The following FBXO9 variants were observed in gnomAD, a reference collection of about 807,000 sequenced individuals.
FBXO9 encodes F-box only protein 9.
Under a neutral mutation model 63.7 loss-of-function variants are expected in FBXO9, and 43 were observed. The ratio of observed to expected loss-of-function variants is 0.67; its 90% CI spans 0.53 to 0.87. FBXO9 has a LOEUF of 0.87. Among genes scored for constraint, FBXO9 ranks in the 40% least tolerant of loss-of-function variants. The probability of loss-of-function intolerance (pLI) is 0.00; values close to 1 mark genes in which losing one functional copy is unlikely to be tolerated. For missense variants in FBXO9, 442 were observed against 533.2 expected, an observed-to-expected ratio of 0.83 and a Z score of 1.68; for synonymous variants, 156 against 171.7, an observed-to-expected ratio of 0.91 and a Z score of 0.72.
intron 2 of FBXO9, among the ~76,000 whole-genome samples, chr6:53,071,676 T>A (rs1272262260): frequency 7.2e-5 from 11 of 152,334 alleles, no homozygotes; most frequent in Non-Finnish European, 4.4e-5. Flanking sequence ...GTGAATAATG[T>A]GCATCGCTGT....
At chr6:53,070,850 G>A in intron 1 of FBXO9, 1 of 698,070 alleles carries the variant, frequency 1.4e-6, no homozygotes, top group Non-Finnish European at 2.3e-6. Flanking sequence ...GTGGGTTGGA[G>A]TAGAGAATAT....
rs1251670573 is a variant in FBXO9 at position 53,098,194 on chromosome 6, T to C, written c.*364T>C. Reference sequence around the variant, plus strand: ...GCAGATTTCTGTCACATAAGTCGTCTTCTGCTTGAGTATCCTAATATTTCA... The same window carrying C: ...GCAGATTTCTGTCACATAAGTCGTCCTCTGCTTGAGTATCCTAATATTTCA... On this transcript the variant is annotated 3_prime_UTR_variant, in exon 13 of 13. Coordinates refer to ENST00000323557, the MANE Select transcript of FBXO9 (RefSeq NM_033480.3). 2.7e-6 allele frequency: 1 copy of C among 374,734 alleles called. No individual in the cohort carries two copies. Among genetic ancestry groups the C allele is most frequent in the East Asian group, 8.6e-5 (1 of 11,580 alleles). The allele number at this position is 374,734 out of a possible 1,614,324, so 23.2% of individuals were successfully genotyped here. A position where few individuals can be genotyped will look rare whatever the true frequency, so the allele number is the denominator to read the frequency against.
chr6:53,080,817 A>C (rs964474960), intron 5 of FBXO9, 151 bp from the exon 6 acceptor site: 1 of 756,328 alleles, frequency 1.3e-6, no homozygotes, highest in Non-Finnish European at 2.1e-6. Flanking sequence ...GCAAGACAGG[A>C]TAAATTCATC....
intron 4 of FBXO9, among the ~76,000 whole-genome samples, chr6:53,078,496 G>A (rs1176571910): frequency 6.6e-6 from 1 of 152,098 alleles, no homozygotes; most frequent in African/African-American, 2.4e-5. Context: ...TATAGCAATT[G>A]CATCTTCAGA....
Position 53,066,109 on chromosome 6 carries a change from C to T in FBXO9, c.3+317C>T, listed in dbSNP as rs990851911. The T allele has an allele frequency of 6.8e-6, 8 of 1,168,522 alleles. No homozygotes were observed. The African/African-American group carries it at 1.1e-4, about 16-fold the overall frequency. 72.4% of individuals were successfully genotyped at this position (1,168,522 alleles called of 1,614,324 possible). On this transcript the variant is annotated intron_variant, in intron 1 of 12. Transcript: ENST00000323557. ...CTGAGTATATTGAACCAGTCTCGGTCCTCTCAAGGGATTTTATCAGAAGCA... is the reference window on the plus strand; with the variant it reads ...CTGAGTATATTGAACCAGTCTCGGTTCTCTCAAGGGATTTTATCAGAAGCA...
intron 3 of FBXO9, among the ~76,000 whole-genome samples, chr6:53,073,947 T>A (rs1252385342): frequency 6.6e-6 from 1 of 152,166 alleles, no homozygotes; most frequent in Non-Finnish European, 1.5e-5. Flanking sequence ...GTCTCTGAAT[T>A]TATTAACAGA....
At chr6:53,093,672 C>A in intron 10 of FBXO9, 111 bp downstream of exon 10, 1 of 928,248 alleles carries the variant, frequency 1.1e-6, no homozygotes, top group Non-Finnish European at 1.6e-6. Context: ...ATTTTAAAAG[C>A]AATCATTCAG....
intron 11 of FBXO9, among the ~76,000 whole-genome samples, chr6:53,094,364 G>A (rs1763144395): frequency 6.6e-6 from 1 of 151,984 alleles, no homozygotes; most frequent in Middle Eastern, 3.2e-3. Flanking sequence ...TAGAACTTCA[G>A]TTTCTACTGG....
chr6:53,089,224 G>A (rs1477862424), intron 7 of FBXO9, among the ~76,000 whole-genome samples: 2 of 152,016 alleles, frequency 1.3e-5, no homozygotes, highest in South Asian at 2.1e-4. Flanking sequence ...ACAGGCGCCC[G>A]CCACCAGGCC....
chr6:53,073,734 T>G, intron 3 of FBXO9, 95 bp downstream of exon 3: 1 of 1,044,308 alleles, frequency 9.6e-7, no homozygotes, highest in South Asian at 1.7e-5. Flanking sequence ...TAACCAGACT[T>G]TCGGGACATA....
chr6:53,082,068 C>T (rs912675980), intron 6 of FBXO9, among the ~76,000 whole-genome samples: 14 of 144,250 alleles, frequency 9.7e-5, no homozygotes, highest in African/African-American at 3.3e-4. Flanking sequence ...GAACCTGTCA[C>T]AAAAAAAAAA....
At position 53,065,596 on chromosome 6, in the gene FBXO9, G is replaced by T. The variant is rs1324681677; in HGVS notation, c.-194G>T. 5 of 618,554 alleles carry T rather than the reference G, an allele frequency of 8.1e-6. No individual in the cohort carries two copies. Among genetic ancestry groups the T allele is most frequent in the Non-Finnish European group, 1.2e-5 (5 of 420,058 alleles). The allele number at this position is 618,554 out of a possible 1,614,324, so 38.3% of individuals were successfully genotyped here. On this transcript the variant is annotated 5_prime_UTR_variant, in exon 1 of 13. Transcript: ENST00000323557. ...GCGCCCCGATCTGGCCCCCTGCCCCGCGAAGATGGCTGCCGTACGCCGGGC... is the reference window on the plus strand; with the variant it reads ...GCGCCCCGATCTGGCCCCCTGCCCCTCGAAGATGGCTGCCGTACGCCGGGC...
Position 53,098,229 on chromosome 6 carries a change from G to A in FBXO9, c.*399G>A, listed in dbSNP as rs573064308. ...GTATCCTAATATTTCAATGCATCAG[G>A]GGAGCGCTCCACTGGATAAGCATTT... On this transcript the variant is annotated 3_prime_UTR_variant, in exon 13 of 13. Transcript: ENST00000323557. The A allele has an allele frequency of 3.1e-6, 1 of 320,714 alleles. No individual in the cohort carries two copies. Among genetic ancestry groups the A allele is most frequent in the Non-Finnish European group, 6.7e-6 (1 of 149,164 alleles). 19.9% of individuals were successfully genotyped at this position (320,714 alleles called of 1,614,324 possible).
chr6:53,083,737 C>T lies in FBXO9; in HGVS notation c.653+1119C>T, dbSNP rs559008012. ...AGCCTGAGAACCTTCTCTTCATGGC[C>T]TTCCTCAGCTCTCTTTGTCAGGGTT... is the stretch of plus-strand genomic sequence containing the variant. On this transcript the variant is annotated intron_variant, in intron 7 of 12. Transcript: ENST00000323557. Among the ~76,000 whole-genome samples, 5 of 152,284 alleles carry T rather than the reference C, an allele frequency of 3.3e-5. No individual in the cohort carries two copies. The East Asian group carries it at 7.7e-4, about 24-fold the overall frequency.
At chr6:53,092,914 C>T (rs878866610) in intron 9 of FBXO9, 90 bp downstream of exon 9, 1 of 798,572 alleles carries the variant, frequency 1.3e-6, no homozygotes, top group South Asian at 2.2e-5. Context: ...TTTTGATTGA[C>T]CCGCAAAATG....
intron 12 of FBXO9, 150 bp from the exon 13 acceptor site, chr6:53,097,572 T>A (rs1457030983): frequency 2.6e-6 from 1 of 381,542 alleles, no homozygotes; most frequent in Non-Finnish European, 4.7e-6. Context: ...TTTTCGAGTT[T>A]TCTACAATAT....
intron 11 of FBXO9, 35 bp from the exon 12 acceptor site, chr6:53,095,478 G>A (rs1763183150): frequency 1.3e-6 from 2 of 1,564,064 alleles, no homozygotes; most frequent in African/African-American, 2.7e-5. Context: ...GTGAGGTAAG[G>A]TTTCATTATA....
chr6:53,092,249 C>T, intron 7 of FBXO9, 180 bp from the exon 8 acceptor site: 1 of 551,010 alleles, frequency 1.8e-6, no homozygotes, highest in Non-Finnish European at 3.2e-6. Flanking sequence ...GCTTTCCTCT[C>T]AATTTGCTTT....
At chr6:53,092,191 C>G (rs1763058260) in intron 7 of FBXO9, 1 of 413,176 alleles carries the variant, frequency 2.4e-6, no homozygotes, top group South Asian at 3.4e-5. Context: ...TGTCTGCTGA[C>G]TCTACTTTGT....
Sources: gnomAD v4.1 joint callset for allele counts (sites outside exome capture counted in the v4.1 genomes callset) on GRCh38, gnomAD v4.1.1 for gene constraint, MANE v1.5 for transcripts, NCBI Gene and HGNC (gene_info 2026-07-23, HGNC 2026-07-21) for gene names.